The following CDH6 variants were observed in gnomAD, a reference collection of about 807,000 sequenced individuals.
CDH6 encodes cadherin-6.
CDH6 carries 31 observed loss-of-function variants against 78.0 expected under a neutral mutation model. That is an observed-to-expected ratio of 0.40 (90% CI 0.30 to 0.54). CDH6 has a LOEUF of 0.54. Ranked by LOEUF, CDH6 falls within the 20% of genes least tolerant of loss-of-function variation. The pLI, the probability that CDH6 is intolerant of heterozygous loss-of-function variation, is 0.56. For synonymous variants in CDH6, 376 were observed against 368.8 expected, an observed-to-expected ratio of 1.02 and a Z score of -0.23; for missense variants, 724 against 975.9, an observed-to-expected ratio of 0.74 and a Z score of 3.44.
chr5:31,324,779 T>A lies in CDH6; in HGVS notation c.*1471T>A, dbSNP rs193107542. 6.0e-4 allele frequency: 125 copies of A among 207,324 alleles called. No homozygotes were observed. Among genetic ancestry groups the A allele is most frequent in the African/African-American group, 2.8e-3 (122 of 44,094 alleles). The allele number at this position is 207,324 out of a possible 1,614,324, so 12.8% of individuals were successfully genotyped here. On this transcript the variant is annotated 3_prime_UTR_variant, in exon 12 of 12. Transcript: ENST00000265071. Reference sequence around the variant, plus strand: ...AGAGGACCCAACTGAACTGAACTAATCCTTCTGGCAGATTCAAATCGTTTA... The same window carrying A: ...AGAGGACCCAACTGAACTGAACTAAACCTTCTGGCAGATTCAAATCGTTTA...
chr5:31,302,891 GAAAGAAAGAAAAAAA>G (rs1561066276), intron 6 of CDH6, among the ~76,000 whole-genome samples: 36 of 99,296 alleles, frequency 3.6e-4, no homozygotes, highest in African/African-American at 1.5e-3. Flanking sequence ...AGGAAGGAAA[GAAAGAAAGAAAAAAA>G]GAAAGAAAGA....
chr5:31,257,013 T>G (rs9687496), intron 1 of CDH6, among the ~76,000 whole-genome samples: 29,684 of 152,132 alleles, frequency 0.2, 5,897 homozygotes, highest in African/African-American at 0.5. Flanking sequence ...AATTTTCCTT[T>G]TATTTATTCT....
At chr5:31,317,290 T>A (rs1231561347) in intron 9 of CDH6, 85 bp from the exon 10 acceptor site, 1 of 714,296 alleles carries the variant, frequency 1.4e-6, no homozygotes, top group Non-Finnish European at 2.5e-6. Context: ...TTTTAAATCA[T>A]TTTGTCAAGC....
At chr5:31,206,696 A>G (rs1740531742) in intron 1 of CDH6, among the ~76,000 whole-genome samples, 1 of 152,246 alleles carries the variant, frequency 6.6e-6, no homozygotes, top group Non-Finnish European at 1.5e-5. Context: ...TACTCTATCC[A>G]AGACCAATAA....
chr5:31,323,110 G>A lies in CDH6; in HGVS notation c.2175G>A (p.Thr725=), dbSNP rs994772358. 4 of 1,614,168 alleles carry A rather than the reference G, an allele frequency of 2.5e-6. No individual in the cohort carries two copies. The highest frequency in any genetic ancestry group is 3.3e-5 in the Admixed American group (2 of 60,020). The change falls in exon 12 of 12, where the codon ACG becomes ACA. Residue 725 remains threonine, a synonymous_variant. Transcript: ENST00000265071. ...ACCAAAGGTTAAAGGAAAATGACAC[G>A]GACCCCACTGCCCCGCCATACGACT... The part of the protein sequence containing the change: ...FINQRLKEND[T]DPTAPPYDSL...
At chr5:31,223,618 T>C (rs1307090397) in intron 1 of CDH6, among the ~76,000 whole-genome samples, 1 of 152,240 alleles carries the variant, frequency 6.6e-6, no homozygotes, top group Non-Finnish European at 1.5e-5. Flanking sequence ...GATTTGTCTT[T>C]TGTTAATTTC....
chr5:31,269,957 TG>T (rs1742475504), intron 2 of CDH6, among the ~76,000 whole-genome samples: 1 of 152,218 alleles, frequency 6.6e-6, no homozygotes, highest in Admixed American at 6.5e-5. Flanking sequence ...GCGTTAGAGG[TG>T]GTTTTGAGCT....
intron 2 of CDH6, among the ~76,000 whole-genome samples, chr5:31,282,005 C>A (rs1281828764): frequency 1.3e-5 from 2 of 152,138 alleles, no homozygotes; most frequent in African/African-American, 4.8e-5. Context: ...TTTTGCAGTA[C>A]CTGATACACA....
chr5:31,307,375 A>G (rs570529897), intron 7 of CDH6, among the ~76,000 whole-genome samples: 3 of 152,344 alleles, frequency 2.0e-5, no homozygotes, highest in Non-Finnish European at 4.4e-5. Flanking sequence ...GACAAGCCCC[A>G]CATCTCAAAC....
intron 1 of CDH6, among the ~76,000 whole-genome samples, chr5:31,198,652 G>C (rs1293002428): frequency 1.3e-5 from 2 of 152,134 alleles, no homozygotes; most frequent in Admixed American, 6.5e-5. Flanking sequence ...TTGGGGAAGT[G>C]TCCAAGTGAG....
intron 1 of CDH6, among the ~76,000 whole-genome samples, chr5:31,201,283 A>G (rs780341557): frequency 4.3e-4 from 65 of 152,196 alleles, no homozygotes; most frequent in Non-Finnish European, 6.6e-4. Flanking sequence ...CCCTCAAAAT[A>G]TTGACCATTG....
At chr5:31,254,923 A>C (rs561225759) in intron 1 of CDH6, among the ~76,000 whole-genome samples, 1 of 152,378 alleles carries the variant, frequency 6.6e-6, no homozygotes, top group East Asian at 1.9e-4. Context: ...AAAAGAATAA[A>C]GAAAGTGTAA....
chr5:31,308,501 T>C (rs1738057229), intron 7 of CDH6, among the ~76,000 whole-genome samples: 1 of 151,820 alleles, frequency 6.6e-6, no homozygotes, highest in Non-Finnish European at 1.5e-5. Flanking sequence ...ATCTTGTTTC[T>C]TATCAGTGAT....
chr5:31,283,740 A>G (rs1175474681), intron 2 of CDH6, among the ~76,000 whole-genome samples: 1 of 152,172 alleles, frequency 6.6e-6, no homozygotes, highest in Non-Finnish European at 1.5e-5. Context: ...ACATGGTGTA[A>G]TAGAAAAAGA....
At position 31,216,137 on chromosome 5, in the gene CDH6, CTT is replaced by C. The variant is rs34235749; in HGVS notation, c.-129+22261_-129+22262del. ...GTTTTGGAACTTAAAATACATCTGA[CTT>C]TTTTTTTTTGAAAACTTAGGGTCTG... On this transcript the variant is annotated intron_variant, in intron 1 of 11. Coordinates refer to ENST00000265071, the MANE Select transcript of CDH6 (RefSeq NM_004932.4). Among the ~76,000 whole-genome samples the C allele has an allele frequency of 4.7e-5, 7 of 148,056 alleles. No individual in the cohort carries two copies. The East Asian group carries it at 7.8e-4, about 17-fold the overall frequency.
At chr5:31,283,743 G>C (rs1429827151) in intron 2 of CDH6, among the ~76,000 whole-genome samples, 8 of 152,022 alleles carry the variant, frequency 5.3e-5, no homozygotes, top group Non-Finnish European at 1.2e-4. Flanking sequence ...TGGTGTAATA[G>C]AAAAAGAACA....
chr5:31,282,590 G>A (rs924888699), intron 2 of CDH6, among the ~76,000 whole-genome samples: 2 of 152,142 alleles, frequency 1.3e-5, no homozygotes, highest in East Asian at 1.9e-4. Flanking sequence ...TTTGCCATGT[G>A]AGGAAACACA....
intron 1 of CDH6, among the ~76,000 whole-genome samples, chr5:31,243,802 C>G (rs562715405): frequency 2.6e-5 from 4 of 152,280 alleles, no homozygotes; most frequent in African/African-American, 9.6e-5. Flanking sequence ...AAGCAAACCT[C>G]GATTCTATCT....
intron 1 of CDH6, among the ~76,000 whole-genome samples, chr5:31,207,204 T>A (rs953610515): frequency 1.3e-5 from 2 of 152,204 alleles, no homozygotes; most frequent in East Asian, 1.9e-4. Flanking sequence ...CAGTATGTGG[T>A]CAAAATTAAA....
Sources: allele counts gnomAD v4.1 joint callset (sites outside exome capture counted in the v4.1 genomes callset), GRCh38; gene constraint gnomAD v4.1.1; transcripts MANE v1.5; gene names NCBI Gene and HGNC (gene_info 2026-07-23, HGNC 2026-07-21).